The following GPHN variants were observed in gnomAD, a reference collection of about 807,000 sequenced individuals.
The protein encoded by GPHN is gephyrin.
GPHN carries 17 observed loss-of-function variants against 95.5 expected under a neutral mutation model. The observed-to-expected ratio is 0.18, with a 90% CI of 0.12 to 0.27. The LOEUF (loss-of-function observed/expected upper bound fraction) is 0.27, where lower values mean the gene tolerates loss of function less well. Ranked by LOEUF, GPHN falls within the 10% of genes least tolerant of loss-of-function variation. GPHN has a pLI of 1.00. For missense variants in GPHN, 660 were observed against 978.1 expected, an observed-to-expected ratio of 0.67 and a Z score of 4.34; for synonymous variants, 320 against 322.5, an observed-to-expected ratio of 0.99 and a Z score of 0.08.
At chr14:66,928,926 A>G (rs1209564209) in intron 8 of GPHN, among the ~76,000 whole-genome samples, 1 of 152,058 alleles carries the variant, frequency 6.6e-6, no homozygotes, top group Non-Finnish European at 1.5e-5. Context: ...GGCCTAACAT[A>G]TCGTCTGTCC....
intron 1 of GPHN, among the ~76,000 whole-genome samples, chr14:66,512,700 G>A (rs1428756419): frequency 6.6e-6 from 1 of 151,650 alleles, no homozygotes; most frequent in Admixed American, 6.6e-5. Context: ...GTAACAGGTA[G>A]GGAGTATTTC....
the GPHN span, chr14:67,454,568 A>G: frequency 6.6e-6 from 1 of 152,176 alleles, no homozygotes. Context: ...TCACTCATTC[A>G]TTCATCAAAC....
intron 5 of GPHN, among the ~76,000 whole-genome samples, chr14:66,906,365 G>T (rs899794718): frequency 6.6e-6 from 1 of 152,146 alleles, no homozygotes; most frequent in Non-Finnish European, 1.5e-5. Context: ...GCAGGGACAG[G>T]TCTACTGCCA....
At chr14:66,635,214 T>C (rs183820468) in intron 1 of GPHN, among the ~76,000 whole-genome samples, 1 of 152,318 alleles carries the variant, frequency 6.6e-6, no homozygotes, top group East Asian at 1.9e-4. Flanking sequence ...AGCTGCAGTT[T>C]TCTTAAGACA....
At chr14:66,850,667 T>A (rs570308110) in intron 4 of GPHN, among the ~76,000 whole-genome samples, 4 of 152,240 alleles carry the variant, frequency 2.6e-5, no homozygotes, top group Non-Finnish European at 5.9e-5. Flanking sequence ...CTGCTAAACA[T>A]CCTGTAGTGC....
Position 66,713,121 on chromosome 14 carries a change from A to G in GPHN, c.143+31936A>G, listed in dbSNP as rs528041240. ...TGTGGGTTGTCTGTTTACTCTGCTG[A>G]CTGTTCCTTTTGCCATGCAAAAGCT... On this transcript the variant is annotated intron_variant, in intron 2 of 22. Coordinates refer to ENST00000478722, the MANE Select transcript of GPHN (RefSeq NM_020806.5). 2.6e-5 allele frequency among the ~76,000 whole-genome samples: 4 copies of G among 152,228 alleles called. No homozygotes were observed. In the East Asian group the frequency reaches 7.7e-4, roughly 29 times the overall value.
chr14:67,558,097 G>A, the GPHN span, among the ~76,000 whole-genome samples: 3 of 152,192 alleles, frequency 2.0e-5, no homozygotes, highest in Non-Finnish European at 4.4e-5. Context: ...GCTCCTGAGA[G>A]GACTTCTGGA....
the GPHN span, among the ~76,000 whole-genome samples, chr14:67,421,591 A>G: frequency 6.6e-6 from 1 of 152,198 alleles, no homozygotes; most frequent in Non-Finnish European, 1.5e-5. Context: ...TCGCTCAGAA[A>G]TACCAAAGAG....
At chr14:66,668,841 A>G (rs2066123635) in intron 1 of GPHN, among the ~76,000 whole-genome samples, 1 of 148,990 alleles carries the variant, frequency 6.7e-6, no homozygotes, top group South Asian at 2.1e-4. Context: ...TAAGAAATTG[A>G]TTGTCATTTG....
At chr14:67,194,445 G>T in the GPHN span, among the ~76,000 whole-genome samples, 1 of 151,992 alleles carries the variant, frequency 6.6e-6, no homozygotes, top group African/African-American at 2.4e-5. Context: ...GGGCGTGTGT[G>T]TGTGTGTGCT....
At chr14:66,669,844 T>G (rs1177723045) in intron 1 of GPHN, among the ~76,000 whole-genome samples, 1 of 152,196 alleles carries the variant, frequency 6.6e-6, no homozygotes. Flanking sequence ...ATAAAATTTG[T>G]TTCATGTGTT....
chr14:67,674,778 C>G, the GPHN span: 1 of 291,520 alleles, frequency 3.4e-6, no homozygotes, highest in East Asian at 5.7e-5. Flanking sequence ...GATCGGCAGT[C>G]GCGGAACCCG....
the GPHN span, among the ~76,000 whole-genome samples, chr14:67,407,476 G>C: frequency 6.6e-6 from 1 of 151,298 alleles, no homozygotes; most frequent in African/African-American, 2.4e-5. Flanking sequence ...GGTCTCATTT[G>C]GTTGCCGAGG....
the GPHN span, chr14:67,646,831 C>A: frequency 7.2e-7 from 1 of 1,397,546 alleles, no homozygotes; most frequent in South Asian, 1.2e-5. Flanking sequence ...TATTGCAGGT[C>A]ACTACAACAA....
the GPHN span, among the ~76,000 whole-genome samples, chr14:67,362,980 A>G: frequency 1.3e-5 from 2 of 152,164 alleles, no homozygotes; most frequent in African/African-American, 2.4e-5. Flanking sequence ...ATTCTCTTAC[A>G]TGATTGCCCA....
chr14:67,437,669 G>A, the GPHN span, among the ~76,000 whole-genome samples: 1 of 152,090 alleles, frequency 6.6e-6, no homozygotes. Context: ...GGGAGAGAGA[G>A]GTGGGAGGAA....
chr14:67,445,135 C>T, the GPHN span, among the ~76,000 whole-genome samples: 1 of 152,148 alleles, frequency 6.6e-6, no homozygotes, highest in Non-Finnish European at 1.5e-5. Flanking sequence ...CCCTTGGCAT[C>T]CCTCCTTGGC....
intron 4 of GPHN, among the ~76,000 whole-genome samples, chr14:66,863,560 T>C (rs926872108): frequency 8.5e-5 from 13 of 152,128 alleles, no homozygotes; most frequent in Admixed American, 2.0e-4. Flanking sequence ...ATTACCTGAC[T>C]TCAAAGTATA....
rs1221261025 is a variant in GPHN at position 67,165,158 on chromosome 14, C to G, written c.1911-4C>G. On this transcript the variant is annotated splice_polypyrimidine_tract_variant and splice_region_variant and intron_variant, in intron 19 of 22. Transcript: ENST00000478722. ...ACTAACAAGTGACTCTTTTTTTCTT[C>G]TAGCTTGCCAACAACATTTGCAACT... 1 of 1,602,048 alleles carries G rather than the reference C, an allele frequency of 6.2e-7. No individual in the cohort carries two copies. The highest frequency in any genetic ancestry group is 8.6e-7 in the Non-Finnish European group (1 of 1,169,516).
Sources: gnomAD v4.1 joint callset for allele counts (sites outside exome capture counted in the v4.1 genomes callset) on GRCh38, gnomAD v4.1.1 for gene constraint, MANE v1.5 for transcripts, NCBI Gene and HGNC (gene_info 2026-07-23, HGNC 2026-07-21) for gene names.